SDK1: variants seen among roughly 807,000 people sequenced by gnomAD.
The protein encoded by SDK1 is sidekick cell adhesion molecule 1.
In SDK1, 157 loss-of-function variants were observed where a neutral mutation model predicts 245.5. The ratio of observed to expected loss-of-function variants is 0.64; its 90% CI spans 0.56 to 0.73. SDK1 has a LOEUF of 0.73. Among genes scored for constraint, SDK1 ranks in the 30% least tolerant of loss-of-function variants. The pLI, the probability that SDK1 is intolerant of heterozygous loss-of-function variation, is 0.00. For missense variants in SDK1, 3,583 were observed against 3,002.3 expected (o/e 1.19, Z -4.52); for synonymous variants, 1,647 against 1,278.5 (o/e 1.29, Z -6.15).
intron 1 of SDK1, among the ~76,000 whole-genome samples, chr7:3,379,588 C>G (rs1383701703): frequency 6.6e-6 from 1 of 152,124 alleles, no homozygotes; most frequent in Non-Finnish European, 1.5e-5. Context: ...CATTTTCATT[C>G]TGTATTTTTC....
chr7:3,924,870 G>A (rs566983586), intron 5 of SDK1, among the ~76,000 whole-genome samples: 23 of 152,194 alleles, frequency 1.5e-4, no homozygotes, highest in Middle Eastern at 6.8e-3. Context: ...TGCCTTCATG[G>A]TGGACGACTC....
chr7:3,415,850 GACTA>G (rs1471876993), intron 1 of SDK1, among the ~76,000 whole-genome samples: 2 of 151,924 alleles, frequency 1.3e-5, no homozygotes, highest in African/African-American at 4.8e-5. Flanking sequence ...ATTTTTGAAT[GACTA>G]ACTGAATGAA....
At position 3,462,228 on chromosome 7, in the gene SDK1, C is replaced by T. The variant is rs563184856; in HGVS notation, c.299-156852C>T. ...CTCACTCCTCAGCAGCATTCTTCACCGCTTGCCGCTCTATCGTTTTGAAAT... is the reference window on the plus strand; with the variant it reads ...CTCACTCCTCAGCAGCATTCTTCACTGCTTGCCGCTCTATCGTTTTGAAAT... On this transcript the variant is annotated intron_variant, in intron 1 of 44. Transcript: ENST00000404826. Among the ~76,000 whole-genome samples the T allele has an allele frequency of 9.2e-5, 14 of 152,254 alleles. No individual in the cohort carries two copies. The East Asian group carries it at 1.9e-3, about 21-fold the overall frequency.
At chr7:3,615,085 T>A (rs578107629) in intron 1 of SDK1, among the ~76,000 whole-genome samples, 3 of 151,808 alleles carry the variant, frequency 2.0e-5, no homozygotes, top group African/African-American at 7.2e-5. Context: ...CAAAACCAAA[T>A]TCAGATTTTT....
At chr7:3,412,162 A>G (rs1779228595) in intron 1 of SDK1, among the ~76,000 whole-genome samples, 2 of 152,178 alleles carry the variant, frequency 1.3e-5, no homozygotes, top group South Asian at 2.1e-4. Flanking sequence ...GATGTGGGCA[A>G]TTAATACATT....
At chr7:3,776,153 C>T (rs1442835934) in intron 4 of SDK1, among the ~76,000 whole-genome samples, 1 of 152,214 alleles carries the variant, frequency 6.6e-6, no homozygotes, top group Non-Finnish European at 1.5e-5. Context: ...TGAATGAATA[C>T]ATGACTGAGT....
chr7:3,972,238 C>G (rs1010544961), intron 12 of SDK1, among the ~76,000 whole-genome samples: 1 of 152,050 alleles, frequency 6.6e-6, no homozygotes, highest in Non-Finnish European at 1.5e-5. Context: ...TGCCACCACT[C>G]CCGGCTATTT....
At position 3,350,907 on chromosome 7, in the gene SDK1, T is replaced by G. The variant is rs186240866; in HGVS notation, c.298+49023T>G. Among the ~76,000 whole-genome samples the G allele has an allele frequency of 4.2e-3, 639 of 152,322 alleles. 7 individuals carry two copies. Among genetic ancestry groups the G allele is most frequent in the South Asian group, 0.018 (87 of 4,828 alleles). ...TGCTTCTGAAGAATTTGGCTTTAAC[T>G]GGTTTATATTTTGAGCTGGGTATTA... On this transcript the variant is annotated intron_variant, in intron 1 of 44. Transcript: ENST00000404826.
chr7:3,709,539 G>C (rs1006760803), intron 4 of SDK1, among the ~76,000 whole-genome samples: 1 of 152,148 alleles, frequency 6.6e-6, no homozygotes, highest in African/African-American at 2.4e-5. Flanking sequence ...GTAGGCTGCA[G>C]CCTGCTGCTT....
intron 4 of SDK1, among the ~76,000 whole-genome samples, chr7:3,805,210 G>C (rs569511184): frequency 1.3e-5 from 2 of 152,298 alleles, no homozygotes; most frequent in African/African-American, 4.8e-5. Context: ...TTTTTTGTAT[G>C]TGTATCTTGT....
At chr7:3,429,241 A>AG (rs1554269972) in intron 1 of SDK1, among the ~76,000 whole-genome samples, 4 of 151,550 alleles carry the variant, frequency 2.6e-5, no homozygotes, top group African/African-American at 9.7e-5. Flanking sequence ...ATATGATAAA[A>AG]GGCTTTTTTT....
At chr7:3,391,966 A>AATATAT (rs55768106) in intron 1 of SDK1, among the ~76,000 whole-genome samples, 7 of 144,030 alleles carry the variant, frequency 4.9e-5, no homozygotes, top group South Asian at 2.2e-4. Flanking sequence ...TATATCATGT[A>AATATAT]ATATATATAT....
chr7:4,250,844 A>G (rs1787247172), intron 44 of SDK1, among the ~76,000 whole-genome samples: 1 of 152,190 alleles, frequency 6.6e-6, no homozygotes, highest in Admixed American at 6.5e-5. Flanking sequence ...ATACGATTCA[A>G]TGGTTTTTAG....
intron 1 of SDK1, among the ~76,000 whole-genome samples, chr7:3,439,281 A>G (rs182367975): frequency 1.3e-4 from 20 of 152,296 alleles, no homozygotes; most frequent in African/African-American, 3.4e-4. Context: ...TGAACATTTC[A>G]TCTAAAACGT....
chr7:3,383,520 C>T lies in SDK1; in HGVS notation c.298+81636C>T, dbSNP rs74697004. On this transcript the variant is annotated intron_variant, in intron 1 of 44. Coordinates refer to ENST00000404826, the MANE Select transcript of SDK1 (RefSeq NM_152744.4). Reference sequence around the variant, plus strand: ...CATCTCTTTTTGGCCTCCATGTAATCAGATTTTGTGCTTATTTGAGACACT... The same window carrying T: ...CATCTCTTTTTGGCCTCCATGTAATTAGATTTTGTGCTTATTTGAGACACT... Among the ~76,000 whole-genome samples the T allele has an allele frequency of 6.9e-3, 1,049 of 152,198 alleles. 13 individuals carry two copies. The highest frequency in any genetic ancestry group is 0.024 in the African/African-American group (1,006 of 41,530).
intron 20 of SDK1, among the ~76,000 whole-genome samples, chr7:4,069,190 C>T (rs781484551): frequency 3.8e-4 from 58 of 152,194 alleles, no homozygotes; most frequent in African/African-American, 1.3e-3. Context: ...CTCAGCAGAC[C>T]TCTGGGATCC....
At chr7:3,783,051 C>G (rs1018350180) in intron 4 of SDK1, among the ~76,000 whole-genome samples, 4 of 152,158 alleles carry the variant, frequency 2.6e-5, no homozygotes, top group Admixed American at 2.6e-4. Context: ...TTCTTCGATA[C>G]AAGGATGGTT....
At chr7:3,490,090 A>G (rs1409717307) in intron 1 of SDK1, among the ~76,000 whole-genome samples, 2 of 152,216 alleles carry the variant, frequency 1.3e-5, no homozygotes, top group Non-Finnish European at 2.9e-5. Context: ...CTTCATATTT[A>G]GGCGTAGGTA....
chr7:4,243,140 A>G (rs980059189), intron 43 of SDK1, among the ~76,000 whole-genome samples: 1 of 152,212 alleles, frequency 6.6e-6, no homozygotes. Context: ...ATTTTAAGAT[A>G]TTACATGCCC....
Sources: gnomAD v4.1 joint callset for allele counts (sites outside exome capture counted in the v4.1 genomes callset) on GRCh38, gnomAD v4.1.1 for gene constraint, MANE v1.5 for transcripts, NCBI Gene and HGNC (gene_info 2026-07-23, HGNC 2026-07-21) for gene names.